The following USP49 variants were observed in gnomAD, a reference collection of about 807,000 sequenced individuals.
USP49 encodes ubiquitin specific peptidase 49, also known as ubiquitin carboxyl-terminal hydrolase 49.
A neutral mutation model predicts 58.6 loss-of-function variants in USP49; 24 were observed. The observed-to-expected ratio is 0.41, with a 90% confidence interval of 0.30 to 0.58. The LOEUF is 0.58. USP49 is among the 20% of genes least tolerant of loss of function. The pLI is 0.30. For synonymous variants in USP49, 408 were observed against 365.1 expected (o/e 1.12, Z -1.34); for missense variants, 703 against 866.1 (o/e 0.81, Z 2.36).
In USP49 at chr6:41,803,985, T is replaced by A. The variant is rs940843601; in HGVS notation, c.1382A>T (p.Lys461Ile). The A allele has an allele frequency of 5.0e-6, 8 of 1,614,144 alleles. No individual in the cohort carries two copies. The highest frequency in any genetic ancestry group is 5.9e-6 in the Non-Finnish European group (7 of 1,180,022). The change falls in exon 5 of 8, where the codon AAA becomes ATA. Residue 461 changes from lysine to isoleucine, a missense_variant. This residue lies in a region of USP49 where 158 missense variants were observed against 241.2 expected (regional missense o/e 0.66). Coordinates refer to ENST00000682992, the MANE Select transcript of USP49 (RefSeq NM_001286554.2). The surrounding 1 kb of genome is among the most constrained non-coding windows in gnomAD (Gnocchi z 4.1). ...SQVTCISCNYKSNTIEPFWDL... is the reference protein window; with the variant it reads ...SQVTCISCNYISNTIEPFWDL... ...CCAAAAGGGCTCAATGGTATTGGAT[T>A]TGTAATTGCATGATATACATGTGAC...
At chr6:41,874,953 C>T (rs1774477031) in intron 2 of USP49, among the ~76,000 whole-genome samples, 1 of 151,526 alleles carries the variant, frequency 6.6e-6, no homozygotes, top group Admixed American at 6.6e-5. Flanking sequence ...CAGAGTGACA[C>T]CTTGTCTAAA....
At chr6:41,840,661 T>G (rs1490519787) in intron 3 of USP49, among the ~76,000 whole-genome samples, 1 of 152,322 alleles carries the variant, frequency 6.6e-6, no homozygotes, top group East Asian at 1.9e-4. Context: ...TTTAAAGACC[T>G]GTATAAACTA....
intron 5 of USP49, among the ~76,000 whole-genome samples, chr6:41,802,335 T>G (rs1229363919): frequency 2.6e-5 from 4 of 151,648 alleles, no homozygotes; most frequent in Non-Finnish European, 5.9e-5. Flanking sequence ...AGCCTGACTT[T>G]TGATTTTTGT....
chr6:41,799,260 C>A (rs1772951391), intron 6 of USP49, among the ~76,000 whole-genome samples: 1 of 152,054 alleles, frequency 6.6e-6, no homozygotes, highest in South Asian at 2.1e-4. Flanking sequence ...TGCACACCAC[C>A]ATGCCTGGCT....
At chr6:41,892,789 A>G (rs1029862412) in intron 1 of USP49, among the ~76,000 whole-genome samples, 1 of 152,232 alleles carries the variant, frequency 6.6e-6, no homozygotes, top group African/African-American at 2.4e-5. Context: ...GAGTGTACAC[A>G]ATGAAATAAC....
intron 3 of USP49, among the ~76,000 whole-genome samples, chr6:41,857,481 C>CA (rs1003375985): frequency 7.2e-5 from 11 of 152,112 alleles, no homozygotes; most frequent in Middle Eastern, 3.4e-3. Context: ...CCTATCTCTA[C>CA]AAAAAAATAC....
At chr6:41,817,576 C>CA (rs1773379478) in intron 3 of USP49, among the ~76,000 whole-genome samples, 1 of 151,156 alleles carries the variant, frequency 6.6e-6, no homozygotes, top group Non-Finnish European at 1.5e-5. Context: ...TCTCCTGCCT[C>CA]AGCCTCCCGA....
intron 3 of USP49, among the ~76,000 whole-genome samples, chr6:41,864,528 A>G (rs1016922055): frequency 6.6e-6 from 1 of 152,152 alleles, no homozygotes; most frequent in Non-Finnish European, 1.5e-5. Context: ...GCGCCACTAC[A>G]CTCCAGCCTC....
Position 41,802,461 on chromosome 6 carries a change from TTTA to T in USP49, c.1561+1342_1561+1344del, listed in dbSNP as rs1429242389. Reference sequence around the variant, plus strand: ...ATTTATTTATTTATTTATTTATTTATTTATTTATTTTTTATTTATTTTTTTTTT... The same window carrying T: ...ATTTATTTATTTATTTATTTATTTATTTTATTTTTTATTTATTTTTTTTTT... On this transcript the variant is annotated intron_variant, in intron 5 of 7. Coordinates refer to ENST00000682992, the MANE Select transcript of USP49 (RefSeq NM_001286554.2). Among the ~76,000 whole-genome samples the T allele has an allele frequency of 2.8e-3, 219 of 77,190 alleles. 6 individuals carry two copies. The highest frequency in any genetic ancestry group is 3.9e-3 in the African/African-American group (70 of 17,780). 50.6% of individuals were successfully genotyped at this position (77,190 alleles called of 152,430 possible).
intron 3 of USP49, among the ~76,000 whole-genome samples, chr6:41,855,914 G>A (rs1774121779): frequency 6.6e-6 from 1 of 152,062 alleles, no homozygotes; most frequent in African/African-American, 2.4e-5. Flanking sequence ...TGAGCATGGT[G>A]GTGCATGCCT....
chr6:41,859,879 T>C (rs775852983), intron 3 of USP49, among the ~76,000 whole-genome samples: 5 of 152,112 alleles, frequency 3.3e-5, no homozygotes, highest in Non-Finnish European at 5.9e-5. Flanking sequence ...AGAATACCAA[T>C]GGAAATAGTT....
At chr6:41,883,518 C>T (rs1774652007) in intron 2 of USP49, among the ~76,000 whole-genome samples, 1 of 151,826 alleles carries the variant, frequency 6.6e-6, no homozygotes, top group African/African-American at 2.4e-5. Context: ...TGTGGTGGTA[C>T]ACGCCTGTAA....
chr6:41,837,927 C>T (rs1773755955), intron 3 of USP49, among the ~76,000 whole-genome samples: 1 of 152,098 alleles, frequency 6.6e-6, no homozygotes, highest in African/African-American at 2.4e-5. Flanking sequence ...AGTTAGAATG[C>T]TATTATTTAA....
chr6:41,863,658 AT>A (rs1774261159), intron 3 of USP49, among the ~76,000 whole-genome samples: 1 of 152,244 alleles, frequency 6.6e-6, no homozygotes, highest in African/African-American at 2.4e-5. Flanking sequence ...TGATGTGATT[AT>A]ATAAAATAAT....
At chr6:41,855,178 A>G (rs932525380) in intron 3 of USP49, among the ~76,000 whole-genome samples, 1 of 151,556 alleles carries the variant, frequency 6.6e-6, no homozygotes, top group Non-Finnish European at 1.5e-5. Context: ...CTTCTGCTAT[A>G]GAGACTTTTT....
chr6:41,848,276 A>C (rs906599625), intron 3 of USP49, among the ~76,000 whole-genome samples: 12 of 152,176 alleles, frequency 7.9e-5, no homozygotes, highest in Non-Finnish European at 1.8e-4. Flanking sequence ...AAAACACGAA[A>C]AAGGCAGTAA....
At position 41,798,805 on chromosome 6, in the gene USP49, C is replaced by G; in HGVS notation, c.1795G>C (p.Asp599His). ...SSLDKETFAY[D>H]LSAVVMHHGK... is the part of the protein sequence containing the mutation. ...TGATGCATGACCACTGCGGAGAGAT[C>G]ATAGGCAAAGGTCTCTTTGTCAAGA... The change falls in exon 7 of 8, where the codon GAT becomes CAT. Residue 599 changes from aspartate (D) to histidine (H), a missense_variant. By Grantham distance (81) the Asp-to-His change is moderately conservative (BLOSUM62 -1). Transcript: ENST00000682992. The G allele has an allele frequency of 6.2e-7, 1 of 1,613,880 alleles. No individual in the cohort carries two copies. Among genetic ancestry groups the G allele is most frequent in the Non-Finnish European group, 8.5e-7 (1 of 1,179,998 alleles).
rs1030949212 is a variant in USP49, at chr6:41,791,863, G to A, written c.*4670C>T. 3.9e-5 allele frequency: 6 copies of A among 152,160 alleles called. No homozygotes were observed. The highest frequency in any genetic ancestry group is 1.4e-4 in the African/African-American group (6 of 41,450). 9.4% of individuals were successfully genotyped at this position (152,160 alleles called of 1,614,324 possible). On this transcript the variant is annotated 3_prime_UTR_variant, in exon 8 of 8. Coordinates refer to ENST00000682992, the MANE Select transcript of USP49 (RefSeq NM_001286554.2). Reference sequence around the variant, plus strand: ...GAAGGCGCTTTTCAGCTTTAGCACTGACTTAAAAAGTCTGAACCACCAGGA... The same window carrying A: ...GAAGGCGCTTTTCAGCTTTAGCACTAACTTAAAAAGTCTGAACCACCAGGA...
At chr6:41,856,276 G>A (rs1029188778) in intron 3 of USP49, among the ~76,000 whole-genome samples, 5 of 151,588 alleles carry the variant, frequency 3.3e-5, no homozygotes, top group African/African-American at 1.2e-4. Flanking sequence ...TCGGAAGGCT[G>A]AGTCAGGAGA....
Sources: allele counts gnomAD v4.1 joint callset (sites outside exome capture counted in the v4.1 genomes callset), GRCh38; gene constraint gnomAD v4.1.1; regional missense constraint gnomAD v4.1.1; non-coding constraint Gnocchi (gnomAD v3.1); transcripts MANE v1.5; gene names NCBI Gene and HGNC (gene_info 2026-07-23, HGNC 2026-07-21).